The following CAMTA1 variants were observed in gnomAD, a reference collection of about 807,000 sequenced individuals.
The protein encoded by CAMTA1 is calmodulin-binding transcription activator 1.
A neutral mutation model predicts 170.9 loss-of-function variants in CAMTA1; 27 were observed. That is an observed-to-expected ratio of 0.16 (90% confidence interval 0.12 to 0.22). CAMTA1 has a LOEUF of 0.22. CAMTA1 is among the 10% of genes least tolerant of loss of function. CAMTA1 has a pLI of 1.00. For synonymous variants in CAMTA1, 833 were observed against 891.5 expected, an observed-to-expected ratio of 0.93 and a Z score of 1.17; for missense variants, 1,619 against 2,217.2, an observed-to-expected ratio of 0.73 and a Z score of 5.42.
At chr1:7,553,807 G>C (rs2094840499) in intron 6 of CAMTA1, among the ~76,000 whole-genome samples, 1 of 152,212 alleles carries the variant, frequency 6.6e-6, no homozygotes, top group Non-Finnish European at 1.5e-5. Flanking sequence ...TGCTCTGCAG[G>C]GCTATCTCAA....
intron 5 of CAMTA1, among the ~76,000 whole-genome samples, chr1:7,399,143 G>A (rs1003349877): frequency 2.6e-4 from 39 of 152,262 alleles, no homozygotes; most frequent in Admixed American, 1.2e-3. Flanking sequence ...TCATGGGGGT[G>A]GATCCTTCAT....
chr1:6,978,868 C>G (rs1256901922), intron 3 of CAMTA1, among the ~76,000 whole-genome samples: 1 of 152,046 alleles, frequency 6.6e-6, no homozygotes, highest in Non-Finnish European at 1.5e-5. Context: ...AGCAGGACAC[C>G]CTGGACCTGG....
intron 5 of CAMTA1, among the ~76,000 whole-genome samples, chr1:7,264,839 A>T (rs1668669003): frequency 6.6e-6 from 1 of 152,206 alleles, no homozygotes; most frequent in Non-Finnish European, 1.5e-5. Context: ...TTACAGAAAG[A>T]GCATCTGTTT....
intron 4 of CAMTA1, among the ~76,000 whole-genome samples, chr1:7,152,478 T>C (rs1158475244): frequency 1.3e-5 from 2 of 152,144 alleles, no homozygotes; most frequent in African/African-American, 4.8e-5. Context: ...GACCAGAGGC[T>C]TTCATTGGGA....
chr1:7,649,691 T>A (rs2095835799), intron 7 of CAMTA1, among the ~76,000 whole-genome samples: 1 of 152,238 alleles, frequency 6.6e-6, no homozygotes, highest in Admixed American at 6.5e-5. Context: ...AATACTGCTT[T>A]TGATTTCCTG....
At chr1:7,388,822 T>A (rs1429323554) in intron 5 of CAMTA1, among the ~76,000 whole-genome samples, 2 of 152,270 alleles carry the variant, frequency 1.3e-5, no homozygotes, top group South Asian at 2.1e-4. Context: ...CATGGGGGGT[T>A]CAGACACGGA....
chr1:6,900,144 G>T (rs1013860641), intron 3 of CAMTA1, among the ~76,000 whole-genome samples: 1 of 152,216 alleles, frequency 6.6e-6, no homozygotes, highest in Non-Finnish European at 1.5e-5. Context: ...AGGTGATAGA[G>T]CCTGGAGATA....
chr1:6,870,400 C>CG (rs917731899), intron 3 of CAMTA1, among the ~76,000 whole-genome samples: 3 of 152,020 alleles, frequency 2.0e-5, no homozygotes, highest in African/African-American at 7.2e-5. Flanking sequence ...CACTAACACT[C>CG]GGACCGAGTG....
At position 7,057,907 on chromosome 1, in the gene CAMTA1, T is replaced by C. The variant is rs141117853; in HGVS notation, c.235-33397T>C. Reference sequence around the variant, plus strand: ...GACTTCCTATCTGAGGATGCCCCCTTCTCTGGACCCCCAGATCCTGACACC... The same window carrying C: ...GACTTCCTATCTGAGGATGCCCCCTCCTCTGGACCCCCAGATCCTGACACC... On this transcript the variant is annotated intron_variant, in intron 3 of 22. Transcript: ENST00000303635. Among the ~76,000 whole-genome samples, 413 of 152,250 alleles carry C rather than the reference T, an allele frequency of 2.7e-3. 2 individuals are homozygous for C. Among genetic ancestry groups the C allele is most frequent in the Non-Finnish European group, 3.7e-3 (251 of 68,010 alleles).
chr1:7,703,697 C>G (rs901459861), intron 11 of CAMTA1, among the ~76,000 whole-genome samples: 1 of 152,142 alleles, frequency 6.6e-6, no homozygotes, highest in Admixed American at 6.5e-5. Flanking sequence ...ATATCTATAT[C>G]TATTAGTATA....
chr1:7,118,290 C>CTTT (rs58318758), intron 4 of CAMTA1, among the ~76,000 whole-genome samples: 30 of 112,504 alleles, frequency 2.7e-4, no homozygotes, highest in Non-Finnish European at 3.3e-4. Context: ...TCTTGGCATC[C>CTTT]TTTTTTTTTT....
At chr1:7,114,630 C>T (rs2148408529) in intron 4 of CAMTA1, among the ~76,000 whole-genome samples, 1 of 152,318 alleles carries the variant, frequency 6.6e-6, no homozygotes, top group East Asian at 1.9e-4. Flanking sequence ...TTATGGAGGC[C>T]AAATAATCCC....
chr1:7,164,577 C>T (rs1404499997), intron 4 of CAMTA1, among the ~76,000 whole-genome samples: 2 of 152,134 alleles, frequency 1.3e-5, no homozygotes, highest in Non-Finnish European at 2.9e-5. Context: ...TAGGACTGGC[C>T]CATCCTGTCA....
intron 3 of CAMTA1, among the ~76,000 whole-genome samples, chr1:6,972,456 A>C (rs1460661697): frequency 6.6e-6 from 1 of 152,104 alleles, no homozygotes; most frequent in East Asian, 1.9e-4. Flanking sequence ...TTTAGTAAGC[A>C]CTTCTGTGTG....
At chr1:6,907,690 G>A (rs1004012663) in intron 3 of CAMTA1, among the ~76,000 whole-genome samples, 2 of 152,138 alleles carry the variant, frequency 1.3e-5, no homozygotes, top group African/African-American at 4.8e-5. Flanking sequence ...CCTGCCCAGG[G>A]CGTAAGGACG....
At chr1:6,981,283 G>A (rs968063319) in intron 3 of CAMTA1, among the ~76,000 whole-genome samples, 7 of 152,146 alleles carry the variant, frequency 4.6e-5, no homozygotes, top group African/African-American at 1.7e-4. Flanking sequence ...ATAGTAGCAC[G>A]TGCTCCTTGA....
chr1:7,199,896 A>G (rs1028501784), intron 4 of CAMTA1, among the ~76,000 whole-genome samples: 2 of 152,192 alleles, frequency 1.3e-5, no homozygotes, highest in South Asian at 2.1e-4. Context: ...ACCTGGCCCC[A>G]TCCTCCCCAG....
chr1:7,664,105 C>A lies in CAMTA1; in HGVS notation c.1558C>A (p.Arg520=). 1 of 1,613,476 alleles carries A rather than the reference C, an allele frequency of 6.2e-7. No homozygotes were observed. Among genetic ancestry groups the A allele is most frequent in the Non-Finnish European group, 8.5e-7 (1 of 1,180,034 alleles). ...SNIRHSPPGE[R]SFSFTTVLTK... Reference sequence around the variant, plus strand: ...CATCCGGCACTCGCCACCCGGGGAGCGGAGCTTCAGCTTTACCACCGTCCT... The same window carrying A: ...CATCCGGCACTCGCCACCCGGGGAGAGGAGCTTCAGCTTTACCACCGTCCT... Residue 520 remains arginine (R), a synonymous_variant, in exon 9 of 23, where the codon CGG becomes AGG. Coordinates refer to ENST00000303635, the MANE Select transcript of CAMTA1 (RefSeq NM_015215.4).
At chr1:7,716,832 G>A (rs2096613679) in intron 11 of CAMTA1, among the ~76,000 whole-genome samples, 1 of 152,328 alleles carries the variant, frequency 6.6e-6, no homozygotes, top group East Asian at 1.9e-4. Flanking sequence ...TGTGTTTATT[G>A]CAACACTGTT....
Sources: allele counts gnomAD v4.1 joint callset (sites outside exome capture counted in the v4.1 genomes callset), GRCh38; gene constraint gnomAD v4.1.1; transcripts MANE v1.5; gene names NCBI Gene and HGNC (gene_info 2026-07-23, HGNC 2026-07-21).